ATG10: variants seen among roughly 807,000 people sequenced by gnomAD.
ATG10 encodes the protein ubiquitin-like-conjugating enzyme ATG10.
Under a neutral mutation model 32.1 loss-of-function variants are expected in ATG10, and 30 were observed. That is an observed-to-expected ratio of 0.94 (90% CI 0.70 to 1.27). ATG10 has a LOEUF of 1.27. Ranked by LOEUF, ATG10 falls within the 50% of genes most tolerant of loss-of-function variation. ATG10 has a pLI of 0.00. For missense variants in ATG10, 233 were observed against 262.3 expected, an observed-to-expected ratio of 0.89 and a Z score of 0.77; for synonymous variants, 87 against 91.5, an observed-to-expected ratio of 0.95 and a Z score of 0.28.
At chr5:82,218,280 G>A (rs966945495) in intron 5 of ATG10, among the ~76,000 whole-genome samples, 4 of 152,146 alleles carry the variant, frequency 2.6e-5, no homozygotes, top group African/African-American at 9.7e-5. Flanking sequence ...TCTGTACCAT[G>A]TGGTTCTTTC....
chr5:82,247,836 G>A (rs1747094406), intron 5 of ATG10, among the ~76,000 whole-genome samples: 1 of 152,070 alleles, frequency 6.6e-6, no homozygotes, highest in South Asian at 2.1e-4. Context: ...AATTTTCCTA[G>A]GCTTTATCTG....
intron 3 of ATG10, among the ~76,000 whole-genome samples, chr5:82,086,588 C>G (rs1764703573): frequency 6.6e-6 from 1 of 152,120 alleles, no homozygotes; most frequent in South Asian, 2.1e-4. Context: ...TAGCTGTGGT[C>G]TTCATTCTCT....
intron 2 of ATG10, among the ~76,000 whole-genome samples, chr5:82,053,534 T>C (rs1763492519): frequency 6.6e-6 from 1 of 152,174 alleles, no homozygotes; most frequent in Non-Finnish European, 1.5e-5. Context: ...TTAAAAAATA[T>C]GTGTTCTCCT....
intron 5 of ATG10, among the ~76,000 whole-genome samples, chr5:82,248,298 T>G (rs1214634863): frequency 2.0e-5 from 3 of 152,218 alleles, no homozygotes; most frequent in Non-Finnish European, 2.9e-5. Flanking sequence ...TTCTTTTCAT[T>G]TAGTACCTAT....
intron 2 of ATG10, among the ~76,000 whole-genome samples, chr5:82,056,141 C>T (rs960430811): frequency 7.2e-5 from 11 of 152,072 alleles, no homozygotes; most frequent in African/African-American, 2.7e-4. Flanking sequence ...TTATCTATCT[C>T]AAGATTGACA....
At chr5:82,025,371 C>T (rs955285210) in intron 2 of ATG10, among the ~76,000 whole-genome samples, 1 of 152,128 alleles carries the variant, frequency 6.6e-6, no homozygotes, top group African/African-American at 2.4e-5. Flanking sequence ...TTTTTTGTAG[C>T]TACTCTATGG....
intron 5 of ATG10, among the ~76,000 whole-genome samples, chr5:82,196,675 C>T (rs1037184096): frequency 3.3e-5 from 5 of 152,078 alleles, no homozygotes; most frequent in Admixed American, 3.3e-4. Context: ...ATCTTGGCAC[C>T]CTTGTCAAAA....
chr5:82,076,527 C>T (rs1764276841), intron 3 of ATG10, among the ~76,000 whole-genome samples: 3 of 152,108 alleles, frequency 2.0e-5, no homozygotes, highest in Non-Finnish European at 4.4e-5. Flanking sequence ...GGTTTCATGG[C>T]CATGTAGTTC....
chr5:82,198,923 C>T (rs768971031), intron 5 of ATG10, among the ~76,000 whole-genome samples: 9 of 152,204 alleles, frequency 5.9e-5, no homozygotes, highest in Non-Finnish European at 1.3e-4. Context: ...TTTCCAGGTA[C>T]AACATTCAGC....
chr5:82,216,544 C>T (rs1745686464), intron 5 of ATG10, among the ~76,000 whole-genome samples: 2 of 152,118 alleles, frequency 1.3e-5, no homozygotes. Context: ...GCCACCTGAG[C>T]AACTTGTGAG....
intron 3 of ATG10, among the ~76,000 whole-genome samples, chr5:82,112,563 T>C (rs923625951): frequency 1.3e-5 from 2 of 151,930 alleles, no homozygotes; most frequent in Non-Finnish European, 2.9e-5. Flanking sequence ...TATTGTACTT[T>C]AAGACCCTGA....
chr5:82,046,470 G>A (rs1300649266), intron 2 of ATG10, among the ~76,000 whole-genome samples: 1 of 152,134 alleles, frequency 6.6e-6, no homozygotes, highest in African/African-American at 2.4e-5. Context: ...TCTAGGAGGA[G>A]GCAACAGCCT....
intron 5 of ATG10, among the ~76,000 whole-genome samples, chr5:82,246,917 GT>G (rs59939946): frequency 1 from 152,349 of 152,350 alleles, 76,174 homozygotes; most frequent in Middle Eastern, 1. Flanking sequence ...GAAGAATGTA[GT>G]AATTCTTGGT....
chr5:82,178,644 C>T, intron 5 of ATG10, 57 bp downstream of exon 5: 2 of 1,153,610 alleles, frequency 1.7e-6, no homozygotes, highest in Non-Finnish European at 2.6e-6. Flanking sequence ...TCCCGCTGCT[C>T]ATCTTTTCTG....
chr5:82,068,162 A>G (rs145146482), intron 3 of ATG10, among the ~76,000 whole-genome samples: 15 of 152,300 alleles, frequency 9.8e-5, no homozygotes, highest in African/African-American at 3.1e-4. Flanking sequence ...ATGCCCATCA[A>G]CGATAGACTG....
intron 2 of ATG10, among the ~76,000 whole-genome samples, chr5:82,010,815 A>G (rs1324911397): frequency 6.6e-6 from 1 of 152,238 alleles, no homozygotes; most frequent in Non-Finnish European, 1.5e-5. Context: ...AGCTTCCAGA[A>G]CAAGTTGTGC....
chr5:82,035,289 C>T (rs1281380258), intron 2 of ATG10, among the ~76,000 whole-genome samples: 1 of 152,164 alleles, frequency 6.6e-6, no homozygotes, highest in Non-Finnish European at 1.5e-5. Context: ...CTTCATCCTG[C>T]ACTCTACCCT....
chr5:82,145,771 A>ATC (rs1767328241), intron 3 of ATG10, among the ~76,000 whole-genome samples: 1 of 150,440 alleles, frequency 6.6e-6, no homozygotes, highest in Non-Finnish European at 1.5e-5. Flanking sequence ...CAGTGGCCTG[A>ATC]TCTCGGCTCA....
At chr5:82,131,641 CTTTT>C (rs71000885) in intron 3 of ATG10, among the ~76,000 whole-genome samples, 1 of 146,446 alleles carries the variant, frequency 6.8e-6, no homozygotes, top group African/African-American at 2.5e-5. Flanking sequence ...TTTTATTCTA[CTTTT>C]TTTTTTTTTT....
Sources: allele counts gnomAD v4.1 joint callset (sites outside exome capture counted in the v4.1 genomes callset), GRCh38; gene constraint gnomAD v4.1.1; transcripts MANE v1.5; gene names NCBI Gene and HGNC (gene_info 2026-07-23, HGNC 2026-07-21).